Variants in EEF2K observed in about 807,000 individuals in gnomAD.
EEF2K encodes the protein alternative protein EEF2K.
In EEF2K, 70 loss-of-function variants were observed where a neutral mutation model predicts 93.8. That is an observed-to-expected ratio of 0.75 (90% CI 0.62 to 0.91). The LOEUF (loss-of-function observed/expected upper bound fraction) is 0.91. EEF2K is among the 40% of genes least tolerant of loss of function. The pLI is 0.00. For synonymous variants in EEF2K, 376 were observed against 380.8 expected (o/e 0.99, Z 0.15); for missense variants, 935 against 972.9 (o/e 0.96, Z 0.52).
At chr16:22,249,506 C>G (rs2047327994) in intron 4 of EEF2K, among the ~76,000 whole-genome samples, 3 of 152,152 alleles carry the variant, frequency 2.0e-5, no homozygotes, top group Non-Finnish European at 4.4e-5. Context: ...AAGCCCCTCT[C>G]AGTCACTCCT....
At chr16:22,273,477 A>T in intron 15 of EEF2K, 149 bp from the exon 16 acceptor site, 1 of 1,128,112 alleles carries the variant, frequency 8.9e-7, no homozygotes, top group Non-Finnish European at 1.2e-6. Context: ...AAGCCTCTGG[A>T]GTCAAGTGCC....
chr16:22,260,566 C>T, intron 11 of EEF2K, 37 bp downstream of exon 11: 1 of 1,613,004 alleles, frequency 6.2e-7, no homozygotes, highest in South Asian at 1.1e-5. Context: ...GGCTTCAGAC[C>T]CCAGCAGGGG....
intron 2 of EEF2K, among the ~76,000 whole-genome samples, chr16:22,244,173 G>A (rs937108574): frequency 7.2e-5 from 11 of 151,780 alleles, no homozygotes; most frequent in African/African-American, 1.9e-4. Context: ...AGGTTGCAGC[G>A]AGCCAAGATC....
chr16:22,263,194 A>T lies in EEF2K; in HGVS notation c.1377+7A>T, dbSNP rs776111936. On this transcript the variant is annotated splice_region_variant and intron_variant, in intron 12 of 17. Coordinates refer to ENST00000263026, the MANE Select transcript of EEF2K (RefSeq NM_013302.5). ...CCCTGAGCCCCGAGAACATGTAAGG[A>T]ACCCCCAGGAAATGAGACCGGTGTC... 1.2e-6 allele frequency: 2 copies of T among 1,608,314 alleles called. No homozygotes were observed. The highest frequency in any genetic ancestry group is 2.2e-5 in the South Asian group (2 of 90,466).
intron 2 of EEF2K, among the ~76,000 whole-genome samples, chr16:22,240,286 C>T (rs1181919190): frequency 6.6e-6 from 1 of 152,066 alleles, no homozygotes; most frequent in East Asian, 1.9e-4. Context: ...GATTATTATG[C>T]AACTATTAAA....
At chr16:22,255,258 A>T (rs1322261878) in intron 6 of EEF2K, among the ~76,000 whole-genome samples, 1 of 152,206 alleles carries the variant, frequency 6.6e-6, no homozygotes, top group Non-Finnish European at 1.5e-5. Flanking sequence ...AAACAGACCC[A>T]CAAAATATGT....
intron 1 of EEF2K, among the ~76,000 whole-genome samples, chr16:22,210,802 G>T (rs184407768): frequency 1.3e-5 from 2 of 152,280 alleles, no homozygotes. Flanking sequence ...GCTGGGGTGT[G>T]TACCAGACAG....
Position 22,285,050 on chromosome 16 carries a change from C to T in EEF2K, c.*1054C>T, listed in dbSNP as rs2047741607. ...TCAAAACAGGTTTGAGTTTTGTATG[C>T]ACACGTTTACTACCTCTAACTCCTA... On this transcript the variant is annotated 3_prime_UTR_variant, in exon 18 of 18. Transcript: ENST00000263026. The T allele has an allele frequency of 6.6e-6, 1 of 152,572 alleles. No homozygotes were observed. The highest frequency in any genetic ancestry group is 1.5e-5 in the Non-Finnish European group (1 of 68,040). 9.5% of individuals were successfully genotyped at this position (152,572 alleles called of 1,614,324 possible).
At chr16:22,234,758 A>T (rs2141658401) in intron 2 of EEF2K, among the ~76,000 whole-genome samples, 1 of 150,736 alleles carries the variant, frequency 6.6e-6, no homozygotes, top group East Asian at 2.0e-4. Context: ...CCAGGCAAAC[A>T]CCAGTCCACT....
intron 2 of EEF2K, among the ~76,000 whole-genome samples, chr16:22,243,899 G>A (rs1367140665): frequency 7.1e-6 from 1 of 141,608 alleles, no homozygotes. Context: ...CTCCAGCCTC[G>A]GCGACAAAGT....
Position 22,238,955 on chromosome 16 carries a change from G to A in EEF2K, c.247-5675G>A, listed in dbSNP as rs371582115. Among the ~76,000 whole-genome samples, 414 of 152,218 alleles carry A rather than the reference G, an allele frequency of 2.7e-3. 19 individuals are homozygous for A. In the South Asian group the frequency reaches 0.083, roughly 30 times the overall value. Reference sequence around the variant, plus strand: ...CCCTGGGTGCAGGGGCCACAAAAAAGTGGACCACCAGCAGCCAAAACCTTC... The same window carrying A: ...CCCTGGGTGCAGGGGCCACAAAAAAATGGACCACCAGCAGCCAAAACCTTC... On this transcript the variant is annotated intron_variant, in intron 2 of 17. Transcript: ENST00000263026.
chr16:22,257,575 G>A lies in EEF2K; in HGVS notation c.902-68G>A, dbSNP rs1022804336. ...ATACCTGCCCTGGCCATATGTATGA[G>A]GCCCACCACTGCCTGTCCCCCGTCA... On this transcript the variant is annotated intron_variant, in intron 8 of 17. Coordinates refer to ENST00000263026, the MANE Select transcript of EEF2K (RefSeq NM_013302.5). The A allele has an allele frequency of 1.3e-6, 2 of 1,587,254 alleles. 1 individual carries two copies. The highest frequency in any genetic ancestry group is 4.5e-5 in the East Asian group (2 of 44,680).
intron 17 of EEF2K, among the ~76,000 whole-genome samples, chr16:22,282,491 G>A (rs2047703906): frequency 1.3e-5 from 2 of 152,184 alleles, no homozygotes; most frequent in Admixed American, 1.3e-4. Context: ...GTCTCATGTT[G>A]AACTGTAATC....
At chr16:22,221,682 T>A (rs1211871726) in intron 1 of EEF2K, among the ~76,000 whole-genome samples, 9 of 152,350 alleles carry the variant, frequency 5.9e-5, no homozygotes, top group African/African-American at 2.2e-4. Flanking sequence ...ATTGGTTTGA[T>A]GTAAAAAAAT....
chr16:22,216,323 G>C (rs905742856), intron 1 of EEF2K, among the ~76,000 whole-genome samples: 2 of 152,194 alleles, frequency 1.3e-5, no homozygotes, highest in African/African-American at 2.4e-5. Flanking sequence ...GGACCTAGCA[G>C]CTCCTGTCAT....
At chr16:22,253,496 C>T (rs1333397102) in intron 6 of EEF2K, among the ~76,000 whole-genome samples, 1 of 152,078 alleles carries the variant, frequency 6.6e-6, no homozygotes, top group African/African-American at 2.4e-5. Context: ...AAACCTTGGC[C>T]CTGGCTGTGG....
intron 1 of EEF2K, among the ~76,000 whole-genome samples, chr16:22,211,769 CA>C (rs1383917289): frequency 1.3e-5 from 2 of 152,032 alleles, no homozygotes; most frequent in Non-Finnish European, 2.9e-5. Context: ...AGCCACAACC[CA>C]AAAGTCCTTC....
chr16:22,281,676 G>T (rs1467217300), intron 17 of EEF2K, among the ~76,000 whole-genome samples: 1 of 152,146 alleles, frequency 6.6e-6, no homozygotes, highest in Non-Finnish European at 1.5e-5. Context: ...TATACTTTTT[G>T]TCCCTATAGA....
At chr16:22,226,099 G>A (rs2161633) in intron 2 of EEF2K, 124 bp downstream of exon 2, 1 of 1,376,376 alleles carries the variant, frequency 7.3e-7, no homozygotes, top group South Asian at 1.4e-5. Flanking sequence ...TAAACTCTGA[G>A]CTGAGGATAT....
Sources: gnomAD v4.1 joint callset for allele counts (sites outside exome capture counted in the v4.1 genomes callset) on GRCh38, gnomAD v4.1.1 for gene constraint, MANE v1.5 for transcripts, NCBI Gene and HGNC (gene_info 2026-07-23, HGNC 2026-07-21) for gene names.